The following RAB32 variants were observed in gnomAD, a reference collection of about 807,000 sequenced individuals.
RAB32 encodes the protein ras-related protein Rab-32.
A neutral mutation model predicts 17.5 loss-of-function variants in RAB32; 17 were observed. That is an observed-to-expected ratio of 0.97 (90% CI 0.67 to 1.46). The LOEUF is 1.46. Ranked by LOEUF, RAB32 falls within the 40% of genes most tolerant of loss-of-function variation. The pLI is 0.00. For missense variants in RAB32, 288 were observed against 284.3 expected (o/e 1.01, Z -0.09); for synonymous variants, 115 against 111.1 (o/e 1.04, Z -0.22).
At position 146,554,696 on chromosome 6, in the gene RAB32, C is replaced by T. The variant is rs896531649; in HGVS notation, c.*91C>T. ...ATGTCATGTTAGCTGGGAGTCTTCCCACATGTGGCACTTCAAAAGGCAGCA... is the reference window on the plus strand; with the variant it reads ...ATGTCATGTTAGCTGGGAGTCTTCCTACATGTGGCACTTCAAAAGGCAGCA... On this transcript the variant is annotated 3_prime_UTR_variant, in exon 3 of 3. Coordinates refer to ENST00000367495, the MANE Select transcript of RAB32 (RefSeq NM_006834.5). 2.1e-6 allele frequency: 3 copies of T among 1,402,404 alleles called. No homozygotes were observed. The highest frequency in any genetic ancestry group is 2.9e-6 in the Non-Finnish European group (3 of 1,040,770). 86.9% of individuals were successfully genotyped at this position (1,402,404 alleles called of 1,614,324 possible). A position where few individuals can be genotyped will look rare whatever the true frequency, so the allele number is the denominator to read the frequency against.
intron 1 of RAB32, among the ~76,000 whole-genome samples, chr6:146,549,137 T>C (rs1779862996): frequency 6.6e-6 from 1 of 152,232 alleles, no homozygotes; most frequent in African/African-American, 2.4e-5. Context: ...ATGTTTTCCT[T>C]TAGTGCCTCT....
At chr6:146,546,452 CTG>C (rs1779822049) in intron 1 of RAB32, among the ~76,000 whole-genome samples, 1 of 151,072 alleles carries the variant, frequency 6.6e-6, no homozygotes, top group Non-Finnish European at 1.5e-5. Flanking sequence ...ACAAAAAAAA[CTG>C]TTTTAGAGAC....
At chr6:146,553,161 C>T (rs544382996) in intron 2 of RAB32, among the ~76,000 whole-genome samples, 52 of 152,154 alleles carry the variant, frequency 3.4e-4, no homozygotes, top group Non-Finnish European at 5.6e-4. Context: ...CTCTTTCTAA[C>T]AGTAGAATTC....
chr6:146,549,637 G>A lies in RAB32; in HGVS notation c.424G>A (p.Ala142Thr), dbSNP rs1458855069. 6.2e-7 allele frequency: 1 copy of A among 1,614,118 alleles called. No homozygotes were observed. The highest frequency in any genetic ancestry group is 1.1e-5 in the South Asian group (1 of 91,074). Residue 142 changes from alanine (A) to threonine (T), a missense_variant, in exon 2 of 3, where the codon GCT becomes ACT. Transcript: ENST00000367495. ...NGSPIPAVLL[A>T]NKCDQNKDSS... ...CAGCCCTATCCCTGCTGTCCTCTTG[G>A]CTAACAAATGTGACCAGAACAAGGA...
At chr6:146,554,389 A>C in intron 2 of RAB32, 67 bp from the exon 3 acceptor site, 1 of 1,494,912 alleles carries the variant, frequency 6.7e-7, no homozygotes, top group Non-Finnish European at 8.9e-7. Context: ...TCCCATTCAT[A>C]CTCTTAATGC....
intron 2 of RAB32, among the ~76,000 whole-genome samples, chr6:146,549,995 G>A (rs1337297744): frequency 1.3e-5 from 2 of 152,216 alleles, no homozygotes; most frequent in Admixed American, 1.3e-4. Context: ...GACATTTTCT[G>A]TGAGTTTGAG....
chr6:146,553,256 TTGA>T (rs1279673863), intron 2 of RAB32, among the ~76,000 whole-genome samples: 6 of 152,110 alleles, frequency 3.9e-5, no homozygotes, highest in African/African-American at 1.4e-4. Context: ...GAGGAATTAA[TTGA>T]TGATAACATT....
intron 2 of RAB32, 30 bp downstream of exon 2, chr6:146,549,771 G>T (rs1244687398): frequency 5.4e-5 from 87 of 1,597,240 alleles, no homozygotes; most frequent in Non-Finnish European, 7.4e-5. Context: ...TGCATCTTTT[G>T]CTTTCTAGCT....
rs933771682 is a variant in RAB32 at position 146,549,535 on chromosome 6, A to G, written c.322A>G (p.Ile108Val). The G allele has an allele frequency of 2.5e-6, 4 of 1,614,040 alleles. No homozygotes were observed. The highest frequency in any genetic ancestry group is 1.3e-5 in the African/African-American group (1 of 74,932). The change falls in exon 2 of 3, where the codon ATA (isoleucine) becomes GTA (valine). Residue 108 changes from isoleucine (I) to valine (V), a missense_variant. Physicochemically the swap from Ile to Val is conservative, Grantham distance 29. Transcript: ENST00000367495. ...EAVGAFVVFD[I>V]SRSSTFEAVL... is the part of the protein sequence containing the mutation. ...TGTTGGTGCTTTTGTAGTCTTTGAT[A>G]TATCAAGAAGTTCCACATTTGAGGC...
At chr6:146,544,151 G>A in intron 1 of RAB32, 30 bp downstream of exon 1, 2 of 1,582,064 alleles carry the variant, frequency 1.3e-6, no homozygotes, top group Non-Finnish European at 1.7e-6. Flanking sequence ...TCCCACTCCA[G>A]AGCCCCGCCG....
intron 2 of RAB32, among the ~76,000 whole-genome samples, chr6:146,551,509 T>C (rs1779898532): frequency 1.3e-5 from 2 of 151,942 alleles, no homozygotes; most frequent in African/African-American, 4.8e-5. Context: ...ACAGGCGTGT[T>C]CTTCTGGACA....
intron 1 of RAB32, among the ~76,000 whole-genome samples, chr6:146,548,232 A>C (rs1056742187): frequency 6.6e-6 from 1 of 152,168 alleles, no homozygotes; most frequent in Non-Finnish European, 1.5e-5. Context: ...CTTCAGTTAA[A>C]CCATATGAGG....
In RAB32 at chr6:146,554,580, C is replaced by A. The variant is rs1168402857; in HGVS notation, c.653C>A (p.Ala218Glu). The A allele has an allele frequency of 3.1e-6, 5 of 1,613,006 alleles. No individual in the cohort carries two copies. Among genetic ancestry groups the A allele is most frequent in the Non-Finnish European group, 4.2e-6 (5 of 1,179,546 alleles). The stretch of plus-strand genomic sequence containing the variant: ...AAGCTAGATCAAGAGACCTTGAGAG[C>A]AGAGAACAAATCCCAGTGTTGCTGA... ...KIKLDQETLR[A>E]ENKSQCC Residue 218 changes from alanine to glutamate, a missense_variant, in exon 3 of 3, where the codon GCA (alanine) becomes GAA (glutamate). By Grantham distance (107) the Ala-to-Glu change is moderately radical. Transcript: ENST00000367495.
At chr6:146,548,757 G>A (rs374441887) in intron 1 of RAB32, among the ~76,000 whole-genome samples, 1 of 152,278 alleles carries the variant, frequency 6.6e-6, no homozygotes, top group South Asian at 2.1e-4. Flanking sequence ...GTAAGAGAAC[G>A]CTTTGCAAAG....
At position 146,554,337 on chromosome 6, in the gene RAB32, A is replaced by C; in HGVS notation, c.529-119A>C. On this transcript the variant is annotated intron_variant, in intron 2 of 2. Coordinates refer to ENST00000367495, the MANE Select transcript of RAB32 (RefSeq NM_006834.5). ...GGCACACACTTTAGTATTAGAGGAA[A>C]GTGGCTGTGCACTTGCTGCCACCTC... 3 of 874,258 alleles carry C rather than the reference A, an allele frequency of 3.4e-6. No individual in the cohort carries two copies. In the Admixed American group the frequency reaches 9.1e-5, roughly 27 times the overall value. 54.2% of individuals were successfully genotyped at this position (874,258 alleles called of 1,614,324 possible). A position where few individuals can be genotyped will look rare whatever the true frequency, so the allele number is the denominator to read the frequency against.
At chr6:146,550,012 A>G (rs572499797) in intron 2 of RAB32, among the ~76,000 whole-genome samples, 51 of 152,324 alleles carry the variant, frequency 3.3e-4, no homozygotes, top group Middle Eastern at 3.4e-3. Flanking sequence ...TGAGTTTTTA[A>G]CTGAGGTACT....
intron 1 of RAB32, among the ~76,000 whole-genome samples, chr6:146,547,828 T>C (rs73586074): frequency 0.012 from 1,889 of 152,142 alleles, 31 homozygotes; most frequent in African/African-American, 0.043. Flanking sequence ...CTCTCTTTTC[T>C]AAATTAAAGA....
At chr6:146,548,875 A>G (rs186665772) in intron 1 of RAB32, among the ~76,000 whole-genome samples, 37 of 152,352 alleles carry the variant, frequency 2.4e-4, no homozygotes, top group Non-Finnish European at 5.1e-4. Flanking sequence ...TTGTAACAAC[A>G]CAACCAGTTG....
In RAB32 at chr6:146,554,712, A is replaced by C; in HGVS notation, c.*107A>C. 1 of 1,299,064 alleles carries C rather than the reference A, an allele frequency of 7.7e-7. No individual in the cohort carries two copies. The highest frequency in any genetic ancestry group is 1.1e-6 in the Non-Finnish European group (1 of 948,160). The allele number at this position is 1,299,064 out of a possible 1,614,324, so 80.5% of individuals were successfully genotyped here. A position where few individuals can be genotyped will look rare whatever the true frequency, so the allele number is the denominator to read the frequency against. Reference sequence around the variant, plus strand: ...GAGTCTTCCCACATGTGGCACTTCAAAAGGCAGCACCACTGGGCGCCTGCA... The same window carrying C: ...GAGTCTTCCCACATGTGGCACTTCACAAGGCAGCACCACTGGGCGCCTGCA... On this transcript the variant is annotated 3_prime_UTR_variant, in exon 3 of 3. Transcript: ENST00000367495.
Sources: allele counts gnomAD v4.1 joint callset (sites outside exome capture counted in the v4.1 genomes callset), GRCh38; gene constraint gnomAD v4.1.1; transcripts MANE v1.5; gene names NCBI Gene and HGNC (gene_info 2026-07-23, HGNC 2026-07-21).